The following RSRC1 variants were observed in gnomAD, a reference collection of about 807,000 sequenced individuals.
The protein encoded by RSRC1 is arginine and serine rich coiled-coil 1.
RSRC1 carries 39 observed loss-of-function variants against 49.1 expected under a neutral mutation model. The ratio of observed to expected loss-of-function variants is 0.79; its 90% CI spans 0.61 to 1.04. The LOEUF (loss-of-function observed/expected upper bound fraction) is 1.04. Among genes scored for constraint, RSRC1 ranks in the 50% least tolerant of loss-of-function variants. RSRC1 has a pLI of 0.00. For synonymous variants in RSRC1, 143 were observed against 130.8 expected (o/e 1.09, Z -0.63); for missense variants, 388 against 402.4 (o/e 0.96, Z 0.31).
At chr3:158,511,694 C>T (rs1328333644) in intron 7 of RSRC1, among the ~76,000 whole-genome samples, 1 of 152,230 alleles carries the variant, frequency 6.6e-6, no homozygotes, top group Non-Finnish European at 1.5e-5. Context: ...TGAGGAATCA[C>T]CACACTGACT....
At chr3:158,501,813 G>A (rs752210654) in intron 7 of RSRC1, among the ~76,000 whole-genome samples, 1 of 152,124 alleles carries the variant, frequency 6.6e-6, no homozygotes, top group Non-Finnish European at 1.5e-5. Context: ...CTGCGGTTCT[G>A]TATCTTCTAA....
intron 8 of RSRC1, among the ~76,000 whole-genome samples, chr3:158,540,120 A>T (rs1229876256): frequency 6.6e-6 from 1 of 152,104 alleles, no homozygotes; most frequent in African/African-American, 2.4e-5. Flanking sequence ...CGTATTTCCC[A>T]CTTGCACTTG....
intron 5 of RSRC1, among the ~76,000 whole-genome samples, chr3:158,332,457 G>A (rs1276439177): frequency 3.3e-5 from 5 of 152,082 alleles, no homozygotes; most frequent in African/African-American, 1.2e-4. Context: ...TAACCTCATG[G>A]TAGGAGCAGG....
chr3:158,314,861 G>A (rs1398352135), intron 5 of RSRC1, among the ~76,000 whole-genome samples: 1 of 152,020 alleles, frequency 6.6e-6, no homozygotes, highest in African/African-American at 2.4e-5. Flanking sequence ...GTGAAACCCC[G>A]TCTCTACTAA....
At chr3:158,356,797 C>T (rs778994894) in intron 6 of RSRC1, among the ~76,000 whole-genome samples, 1 of 151,924 alleles carries the variant, frequency 6.6e-6, no homozygotes, top group Non-Finnish European at 1.5e-5. Context: ...CATTTGTTTC[C>T]ACAAATGCAA....
intron 3 of RSRC1, among the ~76,000 whole-genome samples, chr3:158,131,701 T>G (rs1716036818): frequency 6.6e-6 from 1 of 152,166 alleles, no homozygotes; most frequent in Non-Finnish European, 1.5e-5. Flanking sequence ...ATTTTGTGAA[T>G]GTGACATGAG....
chr3:158,283,543 T>C (rs1352097826), intron 4 of RSRC1, among the ~76,000 whole-genome samples: 1 of 152,200 alleles, frequency 6.6e-6, no homozygotes, highest in Non-Finnish European at 1.5e-5. Context: ...GACCATTTCG[T>C]GAAAATACAT....
At position 158,543,396 on chromosome 3, in the gene RSRC1, C is replaced by T. The variant is rs1713147225; in HGVS notation, c.821C>T (p.Ala274Val). Reference sequence around the variant, plus strand: ...ACATCAGGACCAGCATCAGCAGTTGCTGATCCACCCAGTACTGAAAAAGAA... The same window carrying T: ...ACATCAGGACCAGCATCAGCAGTTGTTGATCCACCCAGTACTGAAAAAGAA... The part of the protein sequence containing the change: ...TSTSGPASAV[A>V]DPPSTEKEID... Residue 274 changes from alanine to valine, a missense_variant, in exon 9 of 10, where the codon GCT becomes GTT. Transcript: ENST00000611884. The T allele has an allele frequency of 1.9e-6, 3 of 1,601,790 alleles. No individual in the cohort carries two copies. In the South Asian group the frequency reaches 3.4e-5, roughly 18 times the overall value.
intron 2 of RSRC1, among the ~76,000 whole-genome samples, chr3:158,122,565 A>G (rs900367003): frequency 1.9e-4 from 27 of 140,690 alleles, no homozygotes. Context: ...TAGTGCATTT[A>G]TTTATTTATT....
intron 6 of RSRC1, among the ~76,000 whole-genome samples, chr3:158,443,386 C>G (rs1443431960): frequency 6.6e-6 from 1 of 152,062 alleles, no homozygotes; most frequent in East Asian, 1.9e-4. Flanking sequence ...GCCTTTCCAT[C>G]AGCATTGCTG....
At chr3:158,397,876 A>G (rs1159265993) in intron 6 of RSRC1, among the ~76,000 whole-genome samples, 5 of 152,122 alleles carry the variant, frequency 3.3e-5, no homozygotes, top group African/African-American at 1.2e-4. Flanking sequence ...TAAAAGAGAT[A>G]GAAAAGTTAG....
At chr3:158,154,870 G>A (rs1717768099) in intron 3 of RSRC1, among the ~76,000 whole-genome samples, 1 of 152,140 alleles carries the variant, frequency 6.6e-6, no homozygotes, top group South Asian at 2.1e-4. Flanking sequence ...AGTATTTACA[G>A]CATCTTCACC....
In RSRC1 at chr3:158,151,986, G is replaced by C. The variant is rs144041351; in HGVS notation, c.320+27995G>C. On this transcript the variant is annotated intron_variant, in intron 3 of 9. Coordinates refer to ENST00000611884, the MANE Select transcript of RSRC1 (RefSeq NM_001271838.2). ...GTGTGATAGATAAGTTAGAGCCTTT[G>C]ATTATGGCTTGAGGTATTAAATCTC... Among the ~76,000 whole-genome samples, 47 of 152,090 alleles carry C rather than the reference G, an allele frequency of 3.1e-4. 1 individual carries two copies. The East Asian group carries it at 8.5e-3, about 27-fold the overall frequency.
chr3:158,123,786 T>C (rs1715438258), intron 2 of RSRC1, 80 bp from the exon 3 acceptor site: 1 of 1,325,922 alleles, frequency 7.5e-7, no homozygotes, highest in Non-Finnish European at 1.0e-6. Flanking sequence ...CAGATGATTC[T>C]TTAGAATCTA....
intron 6 of RSRC1, among the ~76,000 whole-genome samples, chr3:158,419,282 T>A (rs1283544994): frequency 6.6e-6 from 1 of 151,978 alleles, no homozygotes; most frequent in African/African-American, 2.4e-5. Flanking sequence ...TGATTAGTAC[T>A]TATGGCTGTG....
chr3:158,201,862 G>A (rs1444414058), intron 3 of RSRC1, among the ~76,000 whole-genome samples: 1 of 151,918 alleles, frequency 6.6e-6, no homozygotes, highest in Non-Finnish European at 1.5e-5. Context: ...CACATTTTTT[G>A]TGTTTCTTCA....
chr3:158,219,969 G>A (rs550012842), intron 4 of RSRC1, among the ~76,000 whole-genome samples: 1 of 151,712 alleles, frequency 6.6e-6, no homozygotes, highest in Non-Finnish European at 1.5e-5. Flanking sequence ...AATGGGTATA[G>A]CACAGTGGTT....
At chr3:158,379,362 G>A (rs549943437) in intron 6 of RSRC1, among the ~76,000 whole-genome samples, 46 of 151,512 alleles carry the variant, frequency 3.0e-4, no homozygotes, top group African/African-American at 9.2e-4. Context: ...CACCACGCCC[G>A]GCTAATTTTT....
At chr3:158,420,303 G>T (rs1371851670) in intron 6 of RSRC1, among the ~76,000 whole-genome samples, 1 of 151,924 alleles carries the variant, frequency 6.6e-6, no homozygotes, top group Non-Finnish European at 1.5e-5. Context: ...AAACAAATTT[G>T]GTTGAAAGTA....
Sources: gnomAD v4.1 joint callset for allele counts (sites outside exome capture counted in the v4.1 genomes callset) on GRCh38, gnomAD v4.1.1 for gene constraint, MANE v1.5 for transcripts, NCBI Gene and HGNC (gene_info 2026-07-23, HGNC 2026-07-21) for gene names.